ZDHHC2: variants seen among roughly 807,000 people sequenced by gnomAD.
ZDHHC2 encodes the protein palmitoyltransferase ZDHHC2.
Under a neutral mutation model 55.6 loss-of-function variants are expected in ZDHHC2, and 51 were observed. The ratio of observed to expected loss-of-function variants is 0.92; its 90% CI spans 0.73 to 1.16. The LOEUF (loss-of-function observed/expected upper bound fraction) is 1.16, where lower values mean the gene tolerates loss of function less well. Among genes scored for constraint, ZDHHC2 ranks in the 50% most tolerant of loss-of-function variants. The pLI is 0.00. For synonymous variants in ZDHHC2, 199 were observed against 152.9 expected (o/e 1.30, Z -2.22); for missense variants, 491 against 442.4 (o/e 1.11, Z -0.99).
chr8:17,171,047 A>T (rs1804828857), intron 1 of ZDHHC2, among the ~76,000 whole-genome samples: 1 of 152,052 alleles, frequency 6.6e-6, no homozygotes, highest in Non-Finnish European at 1.5e-5. Flanking sequence ...ATCGTTGTTG[A>T]GGGTGTAGTA....
At position 17,199,546 on chromosome 8, in the gene ZDHHC2, T is replaced by TCTTCTGTCTTC. The variant is rs1806566009; in HGVS notation, c.476+1133_476+1134insCTTCTGTCTTC. 2.2e-4 allele frequency among the ~76,000 whole-genome samples: 9 copies of TCTTCTGTCTTC among 40,664 alleles called. 1 individual carries two copies. Among genetic ancestry groups the TCTTCTGTCTTC allele is most frequent in the African/African-American group, 5.9e-4 (8 of 13,614 alleles). 26.7% of individuals were successfully genotyped at this position (40,664 alleles called of 152,430 possible). A position where few individuals can be genotyped will look rare whatever the true frequency, so the allele number is the denominator to read the frequency against. Reference sequence around the variant, plus strand: ...GTCTTCGTCTTCTGTCTTCGTCTTCTGTCTTCGTCTTCGTCTTCTTCGTCT... The same window carrying TCTTCTGTCTTC: ...GTCTTCGTCTTCTGTCTTCGTCTTCTCTTCTGTCTTCGTCTTCGTCTTCGTCTTCTTCGTCT... On this transcript the variant is annotated intron_variant, in intron 6 of 12. Coordinates refer to ENST00000262096, the MANE Select transcript of ZDHHC2 (RefSeq NM_016353.5).
intron 11 of ZDHHC2, 101 bp downstream of exon 11, chr8:17,215,450 G>T (rs1335657993): frequency 1.1e-6 from 1 of 908,494 alleles, no homozygotes; most frequent in Non-Finnish European, 1.7e-6. Flanking sequence ...TGTTTTCTTA[G>T]TTTGGAGTCA....
At chr8:17,172,274 C>T (rs111543931) in intron 1 of ZDHHC2, among the ~76,000 whole-genome samples, 16 of 152,144 alleles carry the variant, frequency 1.1e-4, no homozygotes, top group Non-Finnish European at 2.1e-4. Context: ...GAGAACTGAG[C>T]GTTAGCTCTC....
intron 1 of ZDHHC2, among the ~76,000 whole-genome samples, chr8:17,173,372 A>G (rs1247040337): frequency 6.6e-6 from 1 of 152,218 alleles, no homozygotes; most frequent in Non-Finnish European, 1.5e-5. Flanking sequence ...AATGAGATCA[A>G]CATTCAAAGA....
intron 1 of ZDHHC2, among the ~76,000 whole-genome samples, chr8:17,181,815 ATTTTTC>A (rs1805447853): frequency 6.6e-6 from 1 of 152,144 alleles, no homozygotes; most frequent in African/African-American, 2.4e-5. Flanking sequence ...ATGAGTCTCT[ATTTTTC>A]ATATGTTATC....
intron 7 of ZDHHC2, 22 bp from the exon 8 acceptor site, chr8:17,207,938 T>A (rs1226076739): frequency 1.4e-6 from 2 of 1,447,744 alleles, no homozygotes; most frequent in Non-Finnish European, 1.8e-6. Context: ...CAAAACATGT[T>A]ATTTTCTTCC....
chr8:17,157,677 T>A (rs1163991115), intron 1 of ZDHHC2: 2 of 152,218 alleles, frequency 1.3e-5, no homozygotes, highest in African/African-American at 4.8e-5. Flanking sequence ...AGCTGGTTTC[T>A]ACCTTCAGGG....
chr8:17,204,348 G>A (rs1169342960), intron 6 of ZDHHC2, among the ~76,000 whole-genome samples: 1 of 152,192 alleles, frequency 6.6e-6, no homozygotes, highest in Non-Finnish European at 1.5e-5. Context: ...GAACGTTTGA[G>A]AAAAGGAAAC....
At chr8:17,210,589 CT>C in intron 10 of ZDHHC2, 109 bp downstream of exon 10, 1 of 862,398 alleles carries the variant, frequency 1.2e-6, no homozygotes, top group Non-Finnish European at 1.7e-6. Context: ...AGAAAATTTA[CT>C]GCAATGGTTT....
Position 17,205,755 on chromosome 8 carries a change from T to TGAGTTTTAC in ZDHHC2, c.577_578insGAGTTTTAC (p.Tyr193delinsTer), listed in dbSNP as rs1365704605. ...TTTTATTGCGGCAACAGATTTACAGTATTTTATCAAATTTTGGACAGTAAG... is the reference window on the plus strand; with the variant it reads ...TTTTATTGCGGCAACAGATTTACAGTGAGTTTTACATTTTATCAAATTTTGGACAGTAAG... On this transcript the variant is annotated stop_gained, in exon 7 of 13. Transcript: ENST00000262096. LOFTEE classifies it high-confidence loss of function. 1 of 1,606,864 alleles carries TGAGTTTTAC rather than the reference T, an allele frequency of 6.2e-7. No homozygotes were observed. Among genetic ancestry groups the TGAGTTTTAC allele is most frequent in the Non-Finnish European group, 8.5e-7 (1 of 1,177,944 alleles).
intron 1 of ZDHHC2, among the ~76,000 whole-genome samples, chr8:17,182,698 T>TA (rs1805494160): frequency 6.6e-6 from 1 of 152,190 alleles, no homozygotes; most frequent in African/African-American, 2.4e-5. Context: ...TTTGAATGCA[T>TA]ATCAGGCTTA....
chr8:17,168,769 T>C (rs532282807), intron 1 of ZDHHC2, among the ~76,000 whole-genome samples: 1 of 152,292 alleles, frequency 6.6e-6, no homozygotes, highest in African/African-American at 2.4e-5. Flanking sequence ...ATCTAGTTTA[T>C]TTCACTTATG....
chr8:17,171,167 G>T (rs1319587458), intron 1 of ZDHHC2, among the ~76,000 whole-genome samples: 1 of 152,160 alleles, frequency 6.6e-6, no homozygotes, highest in Admixed American at 6.5e-5. Context: ...AAACAATTCA[G>T]TGGTTGTAGG....
rs1024216169 is a variant in ZDHHC2, at chr8:17,222,515, A to T, written c.*2294A>T. On this transcript the variant is annotated 3_prime_UTR_variant, in exon 13 of 13. Transcript: ENST00000262096. The stretch of plus-strand genomic sequence containing the variant: ...GATAATTTTGATTTTTCTTGCTTTT[A>T]TAGATTTTACTATATAGGAATCAAG... 1 of 151,808 alleles carries T rather than the reference A, an allele frequency of 6.6e-6. No homozygotes were observed. The highest frequency in any genetic ancestry group is 2.1e-4 in the South Asian group (1 of 4,828). The allele number at this position is 151,808 out of a possible 1,614,324, so 9.4% of individuals were successfully genotyped here.
intron 12 of ZDHHC2, 136 bp downstream of exon 12, chr8:17,217,382 G>T (rs1243941978): frequency 3.1e-6 from 2 of 640,140 alleles, no homozygotes; most frequent in Admixed American, 6.2e-5. Context: ...TTGTGAGATT[G>T]CATTAGCCAT....
At chr8:17,168,432 T>A (rs1235622690) in intron 1 of ZDHHC2, among the ~76,000 whole-genome samples, 2 of 152,218 alleles carry the variant, frequency 1.3e-5, no homozygotes, top group Non-Finnish European at 2.9e-5. Flanking sequence ...TTTAACTTAA[T>A]TTGTGGTTTG....
At chr8:17,213,764 T>C (rs933647226) in intron 10 of ZDHHC2, among the ~76,000 whole-genome samples, 1 of 152,170 alleles carries the variant, frequency 6.6e-6, no homozygotes, top group African/African-American at 2.4e-5. Flanking sequence ...ATCTTCAGAG[T>C]CCCTAAACCA....
Position 17,223,144 on chromosome 8 carries a change from T to G in ZDHHC2, c.*2923T>G, listed in dbSNP as rs990965602. 1 of 151,938 alleles carries G rather than the reference T, an allele frequency of 6.6e-6. No homozygotes were observed. The highest frequency in any genetic ancestry group is 1.5e-5 in the Non-Finnish European group (1 of 67,826). The allele number at this position is 151,938 out of a possible 1,614,324, so 9.4% of individuals were successfully genotyped here. On this transcript the variant is annotated 3_prime_UTR_variant, in exon 13 of 13. Coordinates refer to ENST00000262096, the MANE Select transcript of ZDHHC2 (RefSeq NM_016353.5). ...ATAAACTAGCAGATTTTCCCTATTT[T>G]GAAATGCATGTAAACGGGCTCGGCT...
At chr8:17,210,103 A>G (rs1476440294) in intron 9 of ZDHHC2, 45 bp downstream of exon 9, 1 of 1,550,210 alleles carries the variant, frequency 6.5e-7, no homozygotes, top group East Asian at 2.3e-5. Context: ...AATGAAAATA[A>G]TACAGCAAAA....
Sources: allele counts gnomAD v4.1 joint callset (sites outside exome capture counted in the v4.1 genomes callset), GRCh38; gene constraint gnomAD v4.1.1; transcripts MANE v1.5; gene names NCBI Gene and HGNC (gene_info 2026-07-23, HGNC 2026-07-21).